Variants in SUCLG2 observed in about 807,000 individuals in gnomAD.
SUCLG2 encodes succinate-CoA ligase GDP-forming subunit beta, also known as succinate--CoA ligase [GDP-forming] subunit beta, mitochondrial.
A neutral mutation model predicts 47.9 loss-of-function variants in SUCLG2; 42 were observed. That is an observed-to-expected ratio of 0.88 (90% CI 0.69 to 1.14). The LOEUF is 1.14. SUCLG2 is among the 50% of genes most tolerant of loss of function. SUCLG2 has a pLI of 0.00. For missense variants in SUCLG2, 571 were observed against 525.9 expected, an observed-to-expected ratio of 1.09 and a Z score of -0.84; for synonymous variants, 195 against 197.3, an observed-to-expected ratio of 0.99 and a Z score of 0.10.
chr3:67,457,011 C>A (rs1704202971), intron 9 of SUCLG2, among the ~76,000 whole-genome samples: 1 of 152,042 alleles, frequency 6.6e-6, no homozygotes. Flanking sequence ...AGATAAAGAG[C>A]TTTAGCAAAA....
chr3:67,518,175 G>A, intron 6 of SUCLG2, 72 bp downstream of exon 6: 1 of 1,226,586 alleles, frequency 8.2e-7, no homozygotes, highest in South Asian at 1.3e-5. Context: ...ACAAACACTA[G>A]AGGCAATGAA....
At chr3:67,479,775 A>G (rs1415701080) in intron 9 of SUCLG2, among the ~76,000 whole-genome samples, 3 of 152,238 alleles carry the variant, frequency 2.0e-5, no homozygotes, top group Non-Finnish European at 4.4e-5. Flanking sequence ...AATTTCATAA[A>G]GTTTATAGAA....
chr3:67,631,592 A>G (rs972708060), intron 1 of SUCLG2, among the ~76,000 whole-genome samples: 1 of 151,998 alleles, frequency 6.6e-6, no homozygotes, highest in Non-Finnish European at 1.5e-5. Flanking sequence ...ACACCACTAC[A>G]CTCCAGCCTA....
At position 67,388,122 on chromosome 3, in the gene SUCLG2, A is replaced by G. The variant is rs117447945; in HGVS notation, c.1184-12263T>C. On this transcript the variant is annotated intron_variant, in intron 10 of 10. Coordinates refer to ENST00000307227, the MANE Select transcript of SUCLG2 (RefSeq NM_003848.4). Reference sequence around the variant, plus strand: ...TTGCTGAATCTTCAGAAATATTGATAACTTCACAATGTCCACTGTATCATG... The same window carrying G: ...TTGCTGAATCTTCAGAAATATTGATGACTTCACAATGTCCACTGTATCATG... Among the ~76,000 whole-genome samples, 98 of 152,332 alleles carry G rather than the reference A, an allele frequency of 6.4e-4. 1 individual carries two copies. In the East Asian group the frequency reaches 0.017, roughly 26 times the overall value.
intron 9 of SUCLG2, among the ~76,000 whole-genome samples, chr3:67,485,442 T>C (rs1705025879): frequency 6.6e-6 from 1 of 152,170 alleles, no homozygotes; most frequent in Admixed American, 6.5e-5. Context: ...GTTTACAAAG[T>C]TCCACATGCT....
chr3:67,456,421 T>C (rs1386959370), intron 9 of SUCLG2, among the ~76,000 whole-genome samples: 2 of 152,198 alleles, frequency 1.3e-5, no homozygotes, highest in African/African-American at 4.8e-5. Flanking sequence ...GTTTGTCTAT[T>C]CAATCCCGGT....
At chr3:67,457,684 C>CTT (rs71109889) in intron 9 of SUCLG2, among the ~76,000 whole-genome samples, 793 of 65,422 alleles carry the variant, frequency 0.012, 95 homozygotes, top group African/African-American at 0.043. Flanking sequence ...ACAAAAGCAG[C>CTT]TTTTTTTTTT....
chr3:67,481,201 T>C (rs1050301380), intron 9 of SUCLG2, among the ~76,000 whole-genome samples: 2 of 152,220 alleles, frequency 1.3e-5, no homozygotes, highest in South Asian at 2.1e-4. Context: ...GCAAGGGTAA[T>C]TAGCAATACA....
rs745922669 is a variant in SUCLG2, at chr3:67,498,259, T to C, written c.794A>G (p.Asn265Ser). ...TATGTCTTTTTGTCGGAATTCTGCG[T>C]TGTCATCAAAGTTTATCTTGGCATC... ...CFDAKINFDD[N>S]AEFRQKDIFA... The change falls in exon 8 of 11, where the codon AAC (asparagine) becomes AGC (serine). Residue 265 changes from asparagine to serine, a missense_variant. Physicochemically the swap from Asn to Ser is conservative, Grantham distance 46. Transcript: ENST00000307227. The C allele has an allele frequency of 6.2e-7, 1 of 1,613,828 alleles. No homozygotes were observed. The highest frequency in any genetic ancestry group is 8.5e-7 in the Non-Finnish European group (1 of 1,179,850).
chr3:67,535,199 G>T (rs963913823), intron 2 of SUCLG2, among the ~76,000 whole-genome samples: 9 of 150,290 alleles, frequency 6.0e-5, no homozygotes, highest in Non-Finnish European at 1.2e-4. Context: ...TCAAACGAAA[G>T]ATGTGAGTCA....
chr3:67,590,779 C>T (rs1354545146), intron 2 of SUCLG2, among the ~76,000 whole-genome samples: 1 of 152,160 alleles, frequency 6.6e-6, no homozygotes, highest in African/African-American at 2.4e-5. Context: ...ACTAACACAA[C>T]AGGGTTTGGC....
intron 9 of SUCLG2, among the ~76,000 whole-genome samples, chr3:67,494,252 T>C (rs12632421): frequency 0.078 from 11,928 of 152,296 alleles, 758 homozygotes; most frequent in East Asian, 0.32. Flanking sequence ...ATTCTCTTAG[T>C]AACAATTCAG....
At chr3:67,360,826 C>T (rs1701793556) in intron 10 of SUCLG2, 2 of 1,350,520 alleles carry the variant, frequency 1.5e-6, no homozygotes, top group African/African-American at 1.5e-5. Context: ...TTTAGATGAA[C>T]AACAACAGTA....
At chr3:67,552,304 G>A (rs1707038320) in intron 2 of SUCLG2, among the ~76,000 whole-genome samples, 1 of 151,934 alleles carries the variant, frequency 6.6e-6, no homozygotes, top group African/African-American at 2.4e-5. Flanking sequence ...ATGTATTAAT[G>A]GCTTCAAGGA....
At chr3:67,506,579 C>A (rs978138414) in intron 7 of SUCLG2, among the ~76,000 whole-genome samples, 17 of 152,128 alleles carry the variant, frequency 1.1e-4, no homozygotes, top group Non-Finnish European at 2.2e-4. Context: ...GGTTCCCATA[C>A]CCCTGTTCCC....
At chr3:67,573,148 T>C (rs1470971644) in intron 2 of SUCLG2, among the ~76,000 whole-genome samples, 1 of 152,066 alleles carries the variant, frequency 6.6e-6, no homozygotes. Flanking sequence ...CCACAAAATA[T>C]TGCTGAAATA....
intron 7 of SUCLG2, among the ~76,000 whole-genome samples, chr3:67,504,946 A>C (rs1705596859): frequency 6.6e-6 from 1 of 152,244 alleles, no homozygotes; most frequent in South Asian, 2.1e-4. Flanking sequence ...CAAACAAGGA[A>C]AATAACGATT....
At chr3:67,485,237 A>T (rs1705021285) in intron 9 of SUCLG2, among the ~76,000 whole-genome samples, 1 of 152,216 alleles carries the variant, frequency 6.6e-6, no homozygotes, top group Non-Finnish European at 1.5e-5. Context: ...ATTGTATAAA[A>T]TACATAAAAA....
chr3:67,582,821 C>T (rs1418547500), intron 2 of SUCLG2, among the ~76,000 whole-genome samples: 4 of 152,098 alleles, frequency 2.6e-5, no homozygotes, highest in Non-Finnish European at 4.4e-5. Context: ...ACTGACTACA[C>T]CACACATCTA....
Sources: gnomAD v4.1 joint callset for allele counts (sites outside exome capture counted in the v4.1 genomes callset) on GRCh38, gnomAD v4.1.1 for gene constraint, MANE v1.5 for transcripts, NCBI Gene and HGNC (gene_info 2026-07-23, HGNC 2026-07-21) for gene names.